The following DNASE1L3 variants were observed in gnomAD, a reference collection of about 807,000 sequenced individuals.
The protein encoded by DNASE1L3 is deoxyribonuclease 1L3, also known as deoxyribonuclease gamma.
DNASE1L3 carries 27 observed loss-of-function variants against 30.9 expected under a neutral mutation model. The ratio of observed to expected loss-of-function variants is 0.87; its 90% CI spans 0.64 to 1.20. DNASE1L3 has a LOEUF of 1.20. Ranked by LOEUF, DNASE1L3 falls within the 50% of genes most tolerant of loss-of-function variation. The probability of loss-of-function intolerance (pLI) is 0.00; values close to 1 mark genes in which losing one functional copy is unlikely to be tolerated. For missense variants in DNASE1L3, 364 were observed against 378.2 expected, an observed-to-expected ratio of 0.96 and a Z score of 0.31; for synonymous variants, 135 against 138.0, an observed-to-expected ratio of 0.98 and a Z score of 0.15.
intron 6 of DNASE1L3, among the ~76,000 whole-genome samples, chr3:58,195,657 A>G (rs1161005541): frequency 2.2e-5 from 3 of 138,828 alleles, no homozygotes; most frequent in Non-Finnish European, 3.1e-5. Flanking sequence ...ATGTTTGTGT[A>G]TGCCTGTAAT....
chr3:58,194,929 G>A (rs181995776), intron 6 of DNASE1L3, among the ~76,000 whole-genome samples: 76 of 152,258 alleles, frequency 5.0e-4, no homozygotes, highest in African/African-American at 1.8e-3. Context: ...CGCCCGGCCC[G>A]GGCTACGGCT....
chr3:58,208,149 T>A, intron 2 of DNASE1L3, 69 bp downstream of exon 2: 7 of 1,481,826 alleles, frequency 4.7e-6, no homozygotes, highest in Non-Finnish European at 6.6e-6. Context: ...TACTTTCAGT[T>A]CCCAGGGGTT....
Position 58,192,901 on chromosome 3 carries a change from G to C in DNASE1L3, c.802-98C>G, listed in dbSNP as rs765144115. The stretch of plus-strand genomic sequence containing the variant: ...CAAATTTAGGACCAGGGAGGGGAGA[G>C]GAAATGCCCGAAGTCACCCCACAGA... On this transcript the variant is annotated intron_variant, in intron 7 of 7. Transcript: ENST00000394549. This position sits in a 1 kb window ranked among gnomAD's most constrained non-coding sequence, Gnocchi z 4.8. 2 of 1,536,724 alleles carry C rather than the reference G, an allele frequency of 1.3e-6. No homozygotes were observed. The highest frequency in any genetic ancestry group is 2.1e-5 in the Admixed American group (1 of 46,544).
intron 2 of DNASE1L3, among the ~76,000 whole-genome samples, chr3:58,206,858 A>G (rs9815775): frequency 0.64 from 96,533 of 151,962 alleles, 31,244 homozygotes; most frequent in East Asian, 1. Context: ...CTGGCTGGGT[A>G]ACTCAGGCAG....
intron 2 of DNASE1L3, 41 bp from the exon 3 acceptor site, chr3:58,205,601 C>T (rs1225947985): frequency 6.6e-7 from 1 of 1,511,040 alleles, no homozygotes; most frequent in African/African-American, 1.4e-5. Context: ...GAAGAGTAAA[C>T]ATTCCCCTAC....
chr3:58,209,083 A>G (rs970621068), intron 1 of DNASE1L3, among the ~76,000 whole-genome samples: 3 of 152,216 alleles, frequency 2.0e-5, no homozygotes, highest in African/African-American at 7.2e-5. Flanking sequence ...TACTAAAAAT[A>G]CAAAAATTAG....
At chr3:58,198,565 G>A (rs2097398756) in intron 5 of DNASE1L3, among the ~76,000 whole-genome samples, 1 of 152,184 alleles carries the variant, frequency 6.6e-6, no homozygotes, top group Admixed American at 6.5e-5. Context: ...GATGACAGGC[G>A]AGTGCGTACC....
rs760542731 is a variant in DNASE1L3 at position 58,193,448 on chromosome 3, A to T, written c.705-9T>A. 1 of 1,607,046 alleles carries T rather than the reference A, an allele frequency of 6.2e-7. No homozygotes were observed. Among genetic ancestry groups the T allele is most frequent in the Non-Finnish European group, 8.5e-7 (1 of 1,174,240 alleles). ...GTCCTCTAAGCACAATCCTGGAACA[A>T]GGGGAGGGAAAACAGTTGTGTTAAT... On this transcript the variant is annotated splice_polypyrimidine_tract_variant and intron_variant, in intron 6 of 7. Transcript: ENST00000394549.
chr3:58,208,077 G>A (rs1243842422), intron 2 of DNASE1L3, 141 bp downstream of exon 2: 2 of 701,524 alleles, frequency 2.9e-6, no homozygotes, highest in African/African-American at 1.8e-5. Context: ...CGTGGCTAAG[G>A]GAGCTGGACT....
In DNASE1L3 at chr3:58,198,098, G is replaced by A. The variant is rs1575496474; in HGVS notation, c.547-120C>T. On this transcript the variant is annotated intron_variant, in intron 5 of 7. Coordinates refer to ENST00000394549, the MANE Select transcript of DNASE1L3 (RefSeq NM_004944.4). ...TAAACAACAGGGTCTGTTATGGGCT[G>A]AATCTTGTCTACCCCCTGCTCCCGC... The A allele has an allele frequency of 2.3e-5, 27 of 1,171,536 alleles. No individual in the cohort carries two copies. In the East Asian group the frequency reaches 5.0e-4, roughly 22 times the overall value. The allele number at this position is 1,171,536 out of a possible 1,614,324, so 72.6% of individuals were successfully genotyped here.
chr3:58,202,768 G>A (rs942107658), intron 4 of DNASE1L3, among the ~76,000 whole-genome samples: 4 of 151,724 alleles, frequency 2.6e-5, no homozygotes, highest in South Asian at 2.1e-4. Flanking sequence ...CAGGAGAATC[G>A]TTTGAACTTG....
chr3:58,193,240 C>G lies in DNASE1L3; in HGVS notation c.801+103G>C, dbSNP rs572653135. The G allele has an allele frequency of 5.4e-6, 8 of 1,488,808 alleles. No homozygotes were observed. The African/African-American group carries it at 9.7e-5, about 18-fold the overall frequency. The allele number at this position is 1,488,808 out of a possible 1,614,324, so 92.2% of individuals were successfully genotyped here. On this transcript the variant is annotated intron_variant, in intron 7 of 7. Transcript: ENST00000394549. ...CATAGGCATGCATCACCATGCCCAG[C>G]TAATTTTTTTGAATTTTTCATAGAG...
intron 2 of DNASE1L3, among the ~76,000 whole-genome samples, chr3:58,207,547 T>C (rs1054578530): frequency 2.0e-5 from 3 of 150,862 alleles, no homozygotes; most frequent in South Asian, 2.1e-4. Context: ...CTTATTCATG[T>C]AACATGATGA....
In DNASE1L3 at chr3:58,210,899, C is replaced by A. The variant is rs552835756; in HGVS notation, c.8G>T (p.Arg3Leu). MS[R>L]ELAPLLLLLL... ...GAGAAGCAGCAGTGGGGCCAGCTCC[C>A]GTGACATCCTGGCGCTGCTCTGGCT... The change falls in exon 1 of 8, where the codon CGG becomes CTG. Residue 3 changes from arginine to leucine, a missense_variant. By Grantham distance (102) the Arg-to-Leu change is moderately radical. Coordinates refer to ENST00000394549, the MANE Select transcript of DNASE1L3 (RefSeq NM_004944.4). 2.5e-6 allele frequency: 4 copies of A among 1,613,812 alleles called. No homozygotes were observed. In the South Asian group the frequency reaches 3.3e-5, roughly 13 times the overall value.
In DNASE1L3 at chr3:58,205,507, C is replaced by A; in HGVS notation, c.284G>T (p.Arg95Ile). The A allele has an allele frequency of 6.2e-7, 1 of 1,614,078 alleles. No individual in the cohort carries two copies. The highest frequency in any genetic ancestry group is 8.5e-7 in the Non-Finnish European group (1 of 1,179,894). The change falls in exon 3 of 8, where the codon AGA becomes ATA. Residue 95 changes from arginine to isoleucine, a missense_variant. Arg to Ile is a moderately conservative substitution (Grantham distance 97). Transcript: ENST00000394549. The part of the protein sequence containing the change: ...YNYVISSRLG[R>I]NTYKEQYAFL... ...GGCATATTGTTCTTTATATGTGTTT[C>A]TTCCAAGCCGAGAGCTAATCACATA...
rs770786986 is a variant in DNASE1L3, at chr3:58,208,203, C to T, written c.230+15G>A. 1 of 1,613,614 alleles carries T rather than the reference C, an allele frequency of 6.2e-7. No homozygotes were observed. Among genetic ancestry groups the T allele is most frequent in the South Asian group, 1.1e-5 (1 of 91,048 alleles). On this transcript the variant is annotated intron_variant, in intron 2 of 7. Coordinates refer to ENST00000394549, the MANE Select transcript of DNASE1L3 (RefSeq NM_004944.4). ...TGACCTTGAGCCCTAGAGGGCCCAC[C>T]CTTCCCCATGTTACCTGTTCAGCTT... is the stretch of plus-strand genomic sequence containing the variant.
chr3:58,205,508 T>C lies in DNASE1L3; in HGVS notation c.283A>G (p.Arg95Gly). Residue 95 changes from arginine (R) to glycine (G), a missense_variant, in exon 3 of 8, where the codon AGA becomes GGA. Transcript: ENST00000394549. ...GCATATTGTTCTTTATATGTGTTTCTTCCAAGCCGAGAGCTAATCACATAG... is the reference window on the plus strand; with the variant it reads ...GCATATTGTTCTTTATATGTGTTTCCTCCAAGCCGAGAGCTAATCACATAG... The part of the protein sequence containing the change: ...YNYVISSRLG[R>G]NTYKEQYAFL... 6.2e-7 allele frequency: 1 copy of C among 1,614,138 alleles called. No homozygotes were observed. The highest frequency in any genetic ancestry group is 8.5e-7 in the Non-Finnish European group (1 of 1,179,922).
intron 1 of DNASE1L3, among the ~76,000 whole-genome samples, chr3:58,208,813 A>T (rs1046155366): frequency 6.6e-6 from 1 of 152,206 alleles, no homozygotes; most frequent in African/African-American, 2.4e-5. Flanking sequence ...TTATTAGCCC[A>T]TTAAACATAG....
chr3:58,197,760 G>T lies in DNASE1L3; in HGVS notation c.704+61C>A. ...GAGCCACAGTGCCCAGCCACCTTGCGTCTTTCCTAGTGCACACCAAGCACT... is the reference window on the plus strand; with the variant it reads ...GAGCCACAGTGCCCAGCCACCTTGCTTCTTTCCTAGTGCACACCAAGCACT... On this transcript the variant is annotated intron_variant, in intron 6 of 7. Transcript: ENST00000394549. The surrounding 1 kb of genome is among the most constrained non-coding windows in gnomAD (Gnocchi z 5.3). The T allele has an allele frequency of 6.2e-7, 1 of 1,610,050 alleles. No homozygotes were observed. Among genetic ancestry groups the T allele is most frequent in the Non-Finnish European group, 8.5e-7 (1 of 1,178,460 alleles).
Sources: allele counts gnomAD v4.1 joint callset (sites outside exome capture counted in the v4.1 genomes callset), GRCh38; gene constraint gnomAD v4.1.1; non-coding constraint Gnocchi (gnomAD v3.1); transcripts MANE v1.5; gene names NCBI Gene and HGNC (gene_info 2026-07-23, HGNC 2026-07-21).